CDH9: variants seen among roughly 807,000 people sequenced by gnomAD.
CDH9 encodes the protein cadherin-9.
CDH9 carries 28 observed loss-of-function variants against 70.9 expected under a neutral mutation model. That is an observed-to-expected ratio of 0.40 (90% confidence interval 0.29 to 0.54). CDH9 has a LOEUF of 0.54. Among genes scored for constraint, CDH9 ranks in the 20% least tolerant of loss-of-function variants. The pLI, the probability that CDH9 is intolerant of heterozygous loss-of-function variation, is 0.59. For synonymous variants in CDH9, 409 were observed against 343.1 expected, an observed-to-expected ratio of 1.19 and a Z score of -2.12; for missense variants, 874 against 984.4, an observed-to-expected ratio of 0.89 and a Z score of 1.50.
Position 26,932,668 on chromosome 5 carries a change from A to G in CDH9, c.229-16744T>C, listed in dbSNP as rs114036620. ...TTTATATTTAAAGCGTGTTTATTGA[A>G]GACAGCATATTGCTGAGTCTTGAAT... On this transcript the variant is annotated intron_variant, in intron 2 of 11. Coordinates refer to ENST00000231021, the MANE Select transcript of CDH9 (RefSeq NM_016279.4). 2.7e-3 allele frequency among the ~76,000 whole-genome samples: 408 copies of G among 152,188 alleles called. 1 individual carries two copies. Among genetic ancestry groups the G allele is most frequent in the African/African-American group, 9.5e-3 (393 of 41,564 alleles).
chr5:26,980,127 A>T (rs1431838436), intron 2 of CDH9, among the ~76,000 whole-genome samples: 2 of 151,872 alleles, frequency 1.3e-5, no homozygotes, highest in Admixed American at 6.6e-5. Context: ...TTTCTAAAAA[A>T]TCTGTGGGAG....
At chr5:26,968,000 A>T (rs1742156945) in intron 2 of CDH9, among the ~76,000 whole-genome samples, 1 of 152,186 alleles carries the variant, frequency 6.6e-6, no homozygotes, top group Non-Finnish European at 1.5e-5. Context: ...AACATGAGCC[A>T]CTGTATGTAC....
At chr5:26,967,685 C>T (rs1379539325) in intron 2 of CDH9, among the ~76,000 whole-genome samples, 1 of 151,984 alleles carries the variant, frequency 6.6e-6, no homozygotes, top group Non-Finnish European at 1.5e-5. Flanking sequence ...ACAAACATTC[C>T]TGTGAACATC....
rs986102615 is a variant in CDH9, at chr5:26,972,064, T to C, written c.228+16042A>G. ...GGTTTTAAAAGAATGGCAATCTAGA[T>C]GTATTCGAGCATTTTCCCTATGCAA... On this transcript the variant is annotated intron_variant, in intron 2 of 11. Coordinates refer to ENST00000231021, the MANE Select transcript of CDH9 (RefSeq NM_016279.4). Among the ~76,000 whole-genome samples, 3 of 152,154 alleles carry C rather than the reference T, an allele frequency of 2.0e-5. No homozygotes were observed. The East Asian group carries it at 5.8e-4, about 29-fold the overall frequency.
rs376685658 is a variant in CDH9, at chr5:26,981,032, C to T, written c.228+7074G>A. 1.2e-4 allele frequency among the ~76,000 whole-genome samples: 19 copies of T among 152,138 alleles called. 1 individual carries two copies. The highest frequency in any genetic ancestry group is 2.9e-4 in the African/African-American group (12 of 41,542). ...CCAGACAAATATCTAGCATAACTAA[C>T]GCCCCATGTCGGTACATTGGTTTTT... On this transcript the variant is annotated intron_variant, in intron 2 of 11. Coordinates refer to ENST00000231021, the MANE Select transcript of CDH9 (RefSeq NM_016279.4).
At chr5:27,016,257 C>T (rs896907533) in intron 1 of CDH9, among the ~76,000 whole-genome samples, 1 of 151,648 alleles carries the variant, frequency 6.6e-6, no homozygotes, top group Non-Finnish European at 1.5e-5. Flanking sequence ...AAGTTTTAGC[C>T]ATACATTTAA....
chr5:27,028,571 C>T (rs977939988), intron 1 of CDH9, among the ~76,000 whole-genome samples: 1 of 152,066 alleles, frequency 6.6e-6, no homozygotes, highest in East Asian at 1.9e-4. Context: ...AAGGACAAGT[C>T]TTTTCCACAA....
chr5:26,970,545 C>A (rs541721733), intron 2 of CDH9, among the ~76,000 whole-genome samples: 2 of 152,130 alleles, frequency 1.3e-5, no homozygotes, highest in Admixed American at 1.3e-4. Context: ...CATGATCAAG[C>A]TTTTTTGTTC....
intron 1 of CDH9, among the ~76,000 whole-genome samples, chr5:26,989,187 G>A (rs1742539078): frequency 6.6e-6 from 1 of 151,988 alleles, no homozygotes; most frequent in African/African-American, 2.4e-5. Flanking sequence ...TTGAAACAAT[G>A]TCTCCCTGTT....
intron 2 of CDH9, among the ~76,000 whole-genome samples, chr5:26,948,319 A>G (rs968327112): frequency 1.3e-5 from 2 of 152,244 alleles, no homozygotes; most frequent in Non-Finnish European, 2.9e-5. Flanking sequence ...CGGCTTAGCC[A>G]ATTACTGATG....
intron 7 of CDH9, among the ~76,000 whole-genome samples, chr5:26,899,867 A>AT (rs1000515366): frequency 1.3e-5 from 2 of 148,372 alleles, no homozygotes; most frequent in East Asian, 2.0e-4. Context: ...TTAAAGTATA[A>AT]TTTAAAAAAA....
At chr5:26,958,079 G>A (rs968940401) in intron 2 of CDH9, among the ~76,000 whole-genome samples, 2 of 152,104 alleles carry the variant, frequency 1.3e-5, no homozygotes, top group African/African-American at 2.4e-5. Context: ...ATGATTCAGA[G>A]GAAAGAGACA....
intron 1 of CDH9, among the ~76,000 whole-genome samples, chr5:27,017,204 G>C (rs773612578): frequency 4.6e-5 from 7 of 151,842 alleles, no homozygotes; most frequent in Non-Finnish European, 1.0e-4. Context: ...CAGGTACATT[G>C]AGAATGAAGG....
At chr5:26,996,757 T>C (rs1246750607) in intron 1 of CDH9, among the ~76,000 whole-genome samples, 2 of 151,548 alleles carry the variant, frequency 1.3e-5, no homozygotes, top group Admixed American at 1.3e-4. Context: ...TATCTATATC[T>C]ATATCTATAG....
intron 2 of CDH9, among the ~76,000 whole-genome samples, chr5:26,946,911 C>A (rs1031595822): frequency 1.8e-4 from 28 of 152,178 alleles, no homozygotes; most frequent in African/African-American, 6.5e-4. Context: ...AGGAGTCAGG[C>A]AAACCCTCAC....
intron 1 of CDH9, among the ~76,000 whole-genome samples, chr5:27,017,039 T>C (rs1219411415): frequency 6.6e-6 from 1 of 151,980 alleles, no homozygotes; most frequent in Non-Finnish European, 1.5e-5. Flanking sequence ...CTGTTCTTTC[T>C]ATTCTTCTTT....
chr5:26,892,268 C>A (rs1190487694), intron 7 of CDH9, among the ~76,000 whole-genome samples: 1 of 152,064 alleles, frequency 6.6e-6, no homozygotes, highest in Non-Finnish European at 1.5e-5. Flanking sequence ...TTAATTGAGC[C>A]ATATCAGAAA....
At chr5:26,883,089 AT>A (rs1561181247) in intron 11 of CDH9, among the ~76,000 whole-genome samples, 40 of 129,616 alleles carry the variant, frequency 3.1e-4, no homozygotes, top group African/African-American at 9.7e-4. Context: ...ATATATATAT[AT>A]ATATAAAACT....
chr5:26,911,731 C>A (rs1268225138), intron 3 of CDH9, among the ~76,000 whole-genome samples: 1 of 151,978 alleles, frequency 6.6e-6, no homozygotes, highest in Non-Finnish European at 1.5e-5. Flanking sequence ...CAAAGTGTAT[C>A]CCATTATCTT....
Sources: gnomAD v4.1 joint callset for allele counts (sites outside exome capture counted in the v4.1 genomes callset) on GRCh38, gnomAD v4.1.1 for gene constraint, MANE v1.5 for transcripts, NCBI Gene and HGNC (gene_info 2026-07-23, HGNC 2026-07-21) for gene names.